The following EPC1 variants were observed in gnomAD, a reference collection of about 807,000 sequenced individuals.
EPC1 encodes the protein enhancer of polycomb homolog 1.
A neutral mutation model predicts 98.4 loss-of-function variants in EPC1; 12 were observed. The ratio of observed to expected loss-of-function variants is 0.12; its 90% CI spans 0.08 to 0.20. The LOEUF (loss-of-function observed/expected upper bound fraction) is 0.20, where lower values mean the gene tolerates loss of function less well. EPC1 is among the 10% of genes least tolerant of loss of function. The probability of loss-of-function intolerance (pLI) is 1.00; values close to 1 mark genes in which losing one functional copy is unlikely to be tolerated. For synonymous variants in EPC1, 357 were observed against 363.9 expected (o/e 0.98, Z 0.21); for missense variants, 729 against 990.5 (o/e 0.74, Z 3.54).
At chr10:32,378,593 G>T in exon 1 of EPC1, 1 of 789,508 alleles carries the variant, frequency 1.3e-6, no homozygotes, top group Non-Finnish European at 2.0e-6. Flanking sequence ...GCAGCATATG[G>T]ATCTTCCAAC....
At chr10:32,349,648 C>T (rs761249769), upstream of EPC1, among the ~76,000 whole-genome samples, 13 of 152,136 alleles carry the variant, frequency 8.5e-5, no homozygotes, top group Non-Finnish European at 1.6e-4. Flanking sequence ...ATCTCCCAGG[C>T]CTGAGTTCAG....
At chr10:32,284,580 A>C in intron 10 of EPC1, 118 bp downstream of exon 10, 1 of 793,242 alleles carries the variant, frequency 1.3e-6, no homozygotes, top group Non-Finnish European at 1.9e-6. Flanking sequence ...TTTTTTTTTA[A>C]CTGTTTAAGA....
intron 1 of EPC1, among the ~76,000 whole-genome samples, chr10:32,337,078 C>T (rs2490509): frequency 0.65 from 99,449 of 152,082 alleles, 32,940 homozygotes; most frequent in Middle Eastern, 0.78. Context: ...TGCAGGATCT[C>T]TAAATATTCC....
At chr10:32,291,011 A>G in intron 6 of EPC1, 152 bp downstream of exon 6, 1 of 611,298 alleles carries the variant, frequency 1.6e-6, no homozygotes, top group Non-Finnish European at 2.8e-6. Flanking sequence ...TCCTGACCTC[A>G]GGTGATCTAC....
intron 6 of EPC1, among the ~76,000 whole-genome samples, chr10:32,290,505 A>AAAAAAG (rs1554819136): frequency 2.1e-4 from 16 of 77,478 alleles, no homozygotes; most frequent in African/African-American, 8.9e-4. Context: ...AAAAAAAAAA[A>AAAAAAG]AAAGAAAGAA....
intron 2 of EPC1, among the ~76,000 whole-genome samples, chr10:32,297,956 C>T (rs1047524011): frequency 5.3e-5 from 8 of 152,114 alleles, no homozygotes; most frequent in Middle Eastern, 3.2e-3. Flanking sequence ...CGCCACCACA[C>T]CCAGCTAATT....
chr10:32,280,598 G>T (rs926386617), intron 10 of EPC1, among the ~76,000 whole-genome samples: 1 of 152,060 alleles, frequency 6.6e-6, no homozygotes, highest in Non-Finnish European at 1.5e-5. Flanking sequence ...AATTAGCCAG[G>T]CATGGTGGCG....
At chr10:32,333,130 C>T (rs984843768) in intron 1 of EPC1, among the ~76,000 whole-genome samples, 2 of 152,134 alleles carry the variant, frequency 1.3e-5, no homozygotes, top group African/African-American at 4.8e-5. Context: ...ATCACAAGGT[C>T]AGGAGATCTA....
intron 1 of EPC1, among the ~76,000 whole-genome samples, chr10:32,354,706 G>T (rs1323228883): frequency 6.6e-6 from 1 of 150,842 alleles, no homozygotes; most frequent in Non-Finnish European, 1.5e-5. Flanking sequence ...TGTGTAACTG[G>T]CCACACAGCA....
At chr10:32,273,017 T>C (rs747549871) in intron 11 of EPC1, 146 bp downstream of exon 11, 5 of 1,613,960 alleles carry the variant, frequency 3.1e-6, no homozygotes, top group Middle Eastern at 1.7e-4. Context: ...TACTCACCTG[T>C]AGTGTTCTTT....
intron 2 of EPC1, among the ~76,000 whole-genome samples, chr10:32,301,486 A>G (rs888406785): frequency 3.3e-5 from 5 of 152,214 alleles, no homozygotes; most frequent in Admixed American, 3.3e-4. Flanking sequence ...CGATCTTGAA[A>G]AAGAAAGATA....
At position 32,286,675 on chromosome 10, in the gene EPC1, G is replaced by A. The variant is rs1836694430; in HGVS notation, c.1391+19C>T. 1 of 1,612,720 alleles carries A rather than the reference G, an allele frequency of 6.2e-7. No homozygotes were observed. The highest frequency in any genetic ancestry group is 1.3e-5 in the African/African-American group (1 of 74,838). ...AATGCCTAAAATATCCTTCTGCTAG[G>A]AATACAGAAATACCTTACCTTCCAC... On this transcript the variant is annotated intron_variant, in intron 9 of 13. Coordinates refer to ENST00000319778, the MANE Select transcript of EPC1 (RefSeq NM_001272004.3).
intron 5 of EPC1, 102 bp downstream of exon 5, chr10:32,292,394 G>T (rs763000644): frequency 4.4e-5 from 37 of 839,844 alleles, no homozygotes; most frequent in East Asian, 5.9e-5. Flanking sequence ...ATTAAAAAAA[G>T]ATATTTCTGT....
At chr10:32,312,099 CCACA>C (rs1836268805) in intron 1 of EPC1, among the ~76,000 whole-genome samples, 1 of 152,114 alleles carries the variant, frequency 6.6e-6, no homozygotes, top group Non-Finnish European at 1.5e-5. Flanking sequence ...GACGAGGAGA[CCACA>C]CAGAGAAGGC....
At chr10:32,289,324 A>G (rs1015319429) in intron 6 of EPC1, among the ~76,000 whole-genome samples, 13 of 151,522 alleles carry the variant, frequency 8.6e-5, no homozygotes, top group African/African-American at 3.2e-4. Context: ...TTAAAAATCA[A>G]AATGTCCATG....
At chr10:32,334,726 G>C (rs948465484) in intron 1 of EPC1, among the ~76,000 whole-genome samples, 1 of 152,134 alleles carries the variant, frequency 6.6e-6, no homozygotes, top group African/African-American at 2.4e-5. Context: ...TGTTCTCTGG[G>C]ATAGTCAAAA....
chr10:32,304,749 G>A (rs988773012), intron 2 of EPC1, among the ~76,000 whole-genome samples: 4 of 151,642 alleles, frequency 2.6e-5, no homozygotes, highest in African/African-American at 4.8e-5. Context: ...GAGAAACCCC[G>A]TCTCTACTAA....
At chr10:32,295,442 A>G (rs1321622095) in intron 2 of EPC1, among the ~76,000 whole-genome samples, 1 of 152,116 alleles carries the variant, frequency 6.6e-6, no homozygotes, top group East Asian at 1.9e-4. Flanking sequence ...GACCTATATC[A>G]CTTCTATAAC....
rs902142147 is a variant in EPC1, at chr10:32,347,033, C to G, written c.-118G>C. ...GCTGCCGGGGACTTGAGGGGCGGAG[C>G]GCAGAGCCCGCCGTCCGGGCACTAA... On this transcript the variant is annotated 5_prime_UTR_variant, in exon 1 of 14. Coordinates refer to ENST00000319778, the MANE Select transcript of EPC1 (RefSeq NM_001272004.3). 9 of 1,484,936 alleles carry G rather than the reference C, an allele frequency of 6.1e-6. No homozygotes were observed. In the African/African-American group the frequency reaches 1.3e-4, roughly 21 times the overall value. The allele number at this position is 1,484,936 out of a possible 1,614,324, so 92.0% of individuals were successfully genotyped here.
Sources: gnomAD v4.1 joint callset for allele counts (sites outside exome capture counted in the v4.1 genomes callset) on GRCh38, gnomAD v4.1.1 for gene constraint, MANE v1.5 for transcripts, NCBI Gene and HGNC (gene_info 2026-07-23, HGNC 2026-07-21) for gene names.